IL1RAPL2: variants seen among roughly 807,000 people sequenced by gnomAD.
The protein encoded by IL1RAPL2 is X-linked interleukin-1 receptor accessory protein-like 2.
A neutral mutation model predicts 44.1 loss-of-function variants in IL1RAPL2; 3 were observed. The observed-to-expected ratio is 0.07, with a 90% confidence interval of 0.03 to 0.18. The LOEUF is 0.18. Among genes scored for constraint, IL1RAPL2 ranks in the 10% least tolerant of loss-of-function variants. The probability of loss-of-function intolerance (pLI) is 1.00; values close to 1 mark genes in which losing one functional copy is unlikely to be tolerated. For missense variants in IL1RAPL2, 391 were observed against 496.4 expected (o/e 0.79, Z 2.02); for synonymous variants, 181 against 178.8 (o/e 1.01, Z -0.10).
Position 105,463,240 on chromosome X carries a change from C to T in IL1RAPL2, c.698-21073C>T, listed in dbSNP as rs2036104936. Among the ~76,000 whole-genome samples, 3 of 110,470 alleles carry T rather than the reference C, an allele frequency of 2.7e-5. No homozygotes were observed. In the Admixed American group the frequency reaches 2.9e-4, roughly 11 times the overall value. On this transcript the variant is annotated intron_variant, in intron 5 of 10. Transcript: ENST00000372582. Reference sequence around the variant, plus strand: ...TTTATTAATAAGTATTTATTGAGCCCTTAGTATGCCATTTATCCAATGAAT... The same window carrying T: ...TTTATTAATAAGTATTTATTGAGCCTTTAGTATGCCATTTATCCAATGAAT...
intron 2 of IL1RAPL2, among the ~76,000 whole-genome samples, chrX:104,995,754 A>G (rs1448763779): frequency 8.9e-6 from 1 of 112,086 alleles, no homozygotes; most frequent in East Asian, 2.8e-4. Flanking sequence ...TCATTCTAAA[A>G]GAGATCAATC....
At chrX:105,387,557 T>C (rs1297063027) in intron 5 of IL1RAPL2, among the ~76,000 whole-genome samples, 1 of 111,278 alleles carries the variant, frequency 9.0e-6, no homozygotes, top group African/African-American at 3.3e-5. Context: ...TTCTAAAAAA[T>C]GTATCTAACT....
At chrX:104,855,133 C>T (rs1922323558) in intron 2 of IL1RAPL2, among the ~76,000 whole-genome samples, 1 of 111,957 alleles carries the variant, frequency 8.9e-6, no homozygotes, top group Admixed American at 9.5e-5. Flanking sequence ...TTGCTCTGGG[C>T]TAGCTAGCTA....
intron 6 of IL1RAPL2, among the ~76,000 whole-genome samples, chrX:105,658,171 A>T (rs1420993407): frequency 9.0e-6 from 1 of 110,831 alleles, no homozygotes; most frequent in Non-Finnish European, 1.9e-5. Context: ...TAGAAAAAAA[A>T]AATAATTAAC....
intron 6 of IL1RAPL2, among the ~76,000 whole-genome samples, chrX:105,509,390 A>G (rs1342886924): frequency 8.9e-6 from 1 of 111,834 alleles, no homozygotes; most frequent in Non-Finnish European, 1.9e-5. Context: ...ACAGACTAGG[A>G]CAAATGTGGG....
intron 2 of IL1RAPL2, among the ~76,000 whole-genome samples, chrX:104,781,773 A>G (rs1932776655): frequency 8.9e-6 from 1 of 112,297 alleles, no homozygotes; most frequent in South Asian, 3.7e-4. Flanking sequence ...AAAGCTGGCA[A>G]ATGTAGTCTC....
chrX:104,865,451 G>C (rs1922592734), intron 2 of IL1RAPL2, among the ~76,000 whole-genome samples: 1 of 111,539 alleles, frequency 9.0e-6, no homozygotes, highest in Non-Finnish European at 1.9e-5. Context: ...AAGTTGACAA[G>C]GGGTGAACTT....
chrX:105,409,849 C>T (rs5962509), intron 5 of IL1RAPL2, among the ~76,000 whole-genome samples: 3,849 of 18,149 alleles, frequency 0.21, 104 homozygotes, highest in Middle Eastern at 0.32. Context: ...GATAGATAGA[C>T]AGACAGACAG....
At chrX:105,175,058 T>C (rs755655595) in intron 2 of IL1RAPL2, among the ~76,000 whole-genome samples, 2 of 111,623 alleles carry the variant, frequency 1.8e-5, no homozygotes, top group African/African-American at 3.3e-5. Context: ...ATCTGTCTTA[T>C]AAGGTTGTTG....
chrX:105,239,048 A>G lies in IL1RAPL2; in HGVS notation c.543+5044A>G, dbSNP rs1468414802. ...AGGGTCACCAGGAACCAAACCAACT[A>G]AAATCAAATAGATCAAAGAATGAGC... On this transcript the variant is annotated intron_variant, in intron 4 of 10. Transcript: ENST00000372582. Among the ~76,000 whole-genome samples the G allele has an allele frequency of 2.7e-5, 3 of 111,587 alleles. No individual in the cohort carries two copies. In the Admixed American group the frequency reaches 2.9e-4, roughly 11 times the overall value.
At chrX:104,837,020 C>T (rs6621869) in intron 2 of IL1RAPL2, among the ~76,000 whole-genome samples, 7 of 111,083 alleles carry the variant, frequency 6.3e-5, no homozygotes, top group African/African-American at 2.3e-4. Flanking sequence ...GGGATTATGG[C>T]TTCCAGTTTC....
chrX:105,764,412 A>G (rs1450320826), intron 10 of IL1RAPL2, among the ~76,000 whole-genome samples: 1 of 112,254 alleles, frequency 8.9e-6, no homozygotes, highest in Non-Finnish European at 1.9e-5. Context: ...GCCAAAGCCC[A>G]TGACATCCCA....
At chrX:104,818,758 A>G (rs372160876) in intron 2 of IL1RAPL2, among the ~76,000 whole-genome samples, 1 of 110,987 alleles carries the variant, frequency 9.0e-6, no homozygotes, top group East Asian at 2.8e-4. Flanking sequence ...GGAAGGATCT[A>G]TTTTTTATAA....
chrX:104,684,077 C>A (rs374547584), intron 2 of IL1RAPL2, among the ~76,000 whole-genome samples: 2 of 111,703 alleles, frequency 1.8e-5, no homozygotes, highest in Non-Finnish European at 3.8e-5. Context: ...ATAAGAAGCA[C>A]GATTAGTGCT....
intron 6 of IL1RAPL2, among the ~76,000 whole-genome samples, chrX:105,589,901 G>T (rs1402355930): frequency 9.0e-6 from 1 of 111,364 alleles, no homozygotes; most frequent in Non-Finnish European, 1.9e-5. Flanking sequence ...CTTTTTTTCT[G>T]ATTTTGTAAA....
chrX:105,030,433 A>C (rs895922380), intron 2 of IL1RAPL2, among the ~76,000 whole-genome samples: 2 of 111,817 alleles, frequency 1.8e-5, no homozygotes, highest in Non-Finnish European at 3.8e-5. Flanking sequence ...TAAGGTTTAA[A>C]GAAGGGATCC....
intron 2 of IL1RAPL2, among the ~76,000 whole-genome samples, chrX:104,899,171 TA>T (rs912585060): frequency 8.9e-6 from 1 of 111,850 alleles, no homozygotes; most frequent in African/African-American, 3.2e-5. Context: ...CTTTTTATGA[TA>T]ATTGGAAGAT....
chrX:105,680,308 T>A (rs1602518437), intron 6 of IL1RAPL2, among the ~76,000 whole-genome samples: 2 of 112,281 alleles, frequency 1.8e-5, no homozygotes, highest in South Asian at 3.7e-4. Flanking sequence ...CTGAATTTCT[T>A]TCTTTTTAAG....
intron 6 of IL1RAPL2, among the ~76,000 whole-genome samples, chrX:105,600,690 ATTAAT>A (rs2037245495): frequency 9.5e-6 from 1 of 105,343 alleles, no homozygotes; most frequent in Non-Finnish European, 1.9e-5. Flanking sequence ...AGAATATTTA[ATTAAT>A]TTAATTGATA....
Sources: allele counts gnomAD v4.1 joint callset (sites outside exome capture counted in the v4.1 genomes callset), GRCh38; gene constraint gnomAD v4.1.1; transcripts MANE v1.5; gene names NCBI Gene and HGNC (gene_info 2026-07-23, HGNC 2026-07-21).